The following SLC26A4 variants were observed in gnomAD, a reference collection of about 807,000 sequenced individuals.
The protein encoded by SLC26A4 is pendrin.
SLC26A4 carries 93 observed loss-of-function variants against 90.4 expected under a neutral mutation model. The ratio of observed to expected loss-of-function variants is 1.03; its 90% CI spans 0.87 to 1.22. The LOEUF is 1.22. SLC26A4 is among the 50% of genes most tolerant of loss of function. The probability of loss-of-function intolerance (pLI) is 0.00; values close to 1 mark genes in which losing one functional copy is unlikely to be tolerated. For synonymous variants in SLC26A4, 393 were observed against 354.6 expected (o/e 1.11, Z -1.22); for missense variants, 1,127 against 946.2 (o/e 1.19, Z -2.51).
At chr7:107,683,126 TTGTG>T (rs151187651) in intron 6 of SLC26A4, 72 bp from the exon 7 acceptor site, 12 of 1,045,996 alleles carry the variant, frequency 1.1e-5, no homozygotes, top group Non-Finnish European at 1.6e-5. Context: ...TGAGAATTGA[TTGTG>T]TGTGTGTGCG....
At position 107,696,308 on chromosome 7, in the gene SLC26A4, G is replaced by A. The variant is rs549390218; in HGVS notation, c.1544+269G>A. Among the ~76,000 whole-genome samples, 9 of 152,292 alleles carry A rather than the reference G, an allele frequency of 5.9e-5. No individual in the cohort carries two copies. In the East Asian group the frequency reaches 1.2e-3, roughly 20 times the overall value. Reference sequence around the variant, plus strand: ...ATCCCTAAGATCACACAGCTAGTACGTGGCAGAGCTAAGATTTGAACCTAT... The same window carrying A: ...ATCCCTAAGATCACACAGCTAGTACATGGCAGAGCTAAGATTTGAACCTAT... On this transcript the variant is annotated intron_variant, in intron 13 of 20. Coordinates refer to ENST00000644269, the MANE Select transcript of SLC26A4 (RefSeq NM_000441.2).
intron 10 of SLC26A4, chr7:107,693,490 A>C (rs1791637062): frequency 4.1e-6 from 4 of 985,334 alleles, no homozygotes; most frequent in Non-Finnish European, 4.8e-6. Context: ...AAATCTTCCC[A>C]GTTGTTTCCT....
At chr7:107,714,487 C>T (rs1000932669) in intron 20 of SLC26A4, among the ~76,000 whole-genome samples, 1 of 152,130 alleles carries the variant, frequency 6.6e-6, no homozygotes, top group Non-Finnish European at 1.5e-5. Context: ...CCAGGAAAGT[C>T]ATTATCGACC....
In SLC26A4 at chr7:107,701,514, C is replaced by T. The variant is rs566918895; in HGVS notation, c.1804-313C>T. Among the ~76,000 whole-genome samples the T allele has an allele frequency of 2.0e-5, 3 of 152,312 alleles. No homozygotes were observed. The East Asian group carries it at 5.8e-4, about 29-fold the overall frequency. The stretch of plus-strand genomic sequence containing the variant: ...AAATTCAATGCCAGAAAACTACCCA[C>T]CATAGAAGGCAGTCTAAGTCCATAA... On this transcript the variant is annotated intron_variant, in intron 16 of 20. Coordinates refer to ENST00000644269, the MANE Select transcript of SLC26A4 (RefSeq NM_000441.2).
chr7:107,694,601 T>A lies in SLC26A4; in HGVS notation c.1342-20T>A. 1 of 1,593,440 alleles carries A rather than the reference T, an allele frequency of 6.3e-7. No homozygotes were observed. Among genetic ancestry groups the A allele is most frequent in the Non-Finnish European group, 8.6e-7 (1 of 1,161,268 alleles). ...AAACCATTCCCTGAATAACACAGCCTTCTCTGTCTCTCTTGGCAGTCGGTC... is the reference window on the plus strand; with the variant it reads ...AAACCATTCCCTGAATAACACAGCCATCTCTGTCTCTCTTGGCAGTCGGTC... On this transcript the variant is annotated intron_variant, in intron 11 of 20. Transcript: ENST00000644269.
chr7:107,681,872 C>T (rs1480149760), intron 6 of SLC26A4, among the ~76,000 whole-genome samples: 1 of 151,754 alleles, frequency 6.6e-6, no homozygotes, highest in Non-Finnish European at 1.5e-5. Flanking sequence ...TTTCTTGAGG[C>T]CAGGAGTTCA....
chr7:107,677,605 A>T (rs1022986875), intron 6 of SLC26A4, among the ~76,000 whole-genome samples: 5 of 150,552 alleles, frequency 3.3e-5, no homozygotes, highest in Admixed American at 2.6e-4. Context: ...CTATTAAAAA[A>T]GAATTTTTTT....
intron 18 of SLC26A4, among the ~76,000 whole-genome samples, chr7:107,707,501 T>C (rs942485364): frequency 6.6e-6 from 1 of 152,210 alleles, no homozygotes; most frequent in Non-Finnish European, 1.5e-5. Flanking sequence ...AACAATTAAC[T>C]GTGGACAACA....
intron 20 of SLC26A4, among the ~76,000 whole-genome samples, chr7:107,713,270 C>T (rs1439671516): frequency 6.6e-6 from 1 of 152,236 alleles, no homozygotes; most frequent in African/African-American, 2.4e-5. Flanking sequence ...ATCCTTCCTA[C>T]ACCATCCTTG....
At chr7:107,714,259 G>T (rs928615643) in intron 20 of SLC26A4, among the ~76,000 whole-genome samples, 3 of 152,000 alleles carry the variant, frequency 2.0e-5, no homozygotes, top group African/African-American at 7.3e-5. Context: ...CCAGGATATT[G>T]TCTACCCCAG....
At chr7:107,691,512 T>TACACACACAC (rs760010561) in intron 10 of SLC26A4, among the ~76,000 whole-genome samples, 26,250 of 109,050 alleles carry the variant, frequency 0.24, 2,853 homozygotes, top group East Asian at 0.46. Flanking sequence ...CAAATATATA[T>TACACACACAC]ATACACACAC....
chr7:107,705,451 T>A (rs1185553256), intron 18 of SLC26A4, among the ~76,000 whole-genome samples: 1 of 152,226 alleles, frequency 6.6e-6, no homozygotes, highest in Non-Finnish European at 1.5e-5. Flanking sequence ...GTTTATAGTA[T>A]GCTCCTTAGC....
intron 17 of SLC26A4, among the ~76,000 whole-genome samples, chr7:107,702,921 G>A (rs370601745): frequency 1.3e-5 from 2 of 152,170 alleles, no homozygotes; most frequent in Non-Finnish European, 2.9e-5. Context: ...GTTAGAGTAG[G>A]AAGCAGGTCA....
At chr7:107,711,582 C>T (rs1239481061) in intron 19 of SLC26A4, among the ~76,000 whole-genome samples, 3 of 152,096 alleles carry the variant, frequency 2.0e-5, no homozygotes, top group Non-Finnish European at 4.4e-5. Context: ...GTTGGACATT[C>T]CTGGTGGCCT....
In SLC26A4 at chr7:107,683,226, A is replaced by T. The variant is rs759635268; in HGVS notation, c.790A>T (p.Ile264Phe). 2 of 1,612,588 alleles carry T rather than the reference A, an allele frequency of 1.2e-6. No homozygotes were observed. Among genetic ancestry groups the T allele is most frequent in the South Asian group, 2.2e-5 (2 of 91,018 alleles). Residue 264 changes from isoleucine to phenylalanine, a missense_variant, in exon 7 of 21, where the codon ATT becomes TTT. Physicochemically the swap from Ile to Phe is conservative, Grantham distance 21. Coordinates refer to ENST00000644269, the MANE Select transcript of SLC26A4 (RefSeq NM_000441.2). ...IYTLVEIFQN[I>F]GDTNLADFTA... ...GACGCTGGTTGAGATTTTTCAAAAT[A>T]TTGGTGATACCAATCTTGCTGATTT...
Position 107,661,749 on chromosome 7 carries a change from C to T in SLC26A4, c.108C>T (p.His36=). The T allele has an allele frequency of 6.5e-7, 1 of 1,547,898 alleles. No individual in the cohort carries two copies. The highest frequency in any genetic ancestry group is 8.7e-7 in the Non-Finnish European group (1 of 1,150,164). The change falls in exon 2 of 21, where the codon CAC becomes CAT. Residue 36 remains histidine (H), a synonymous_variant. Coordinates refer to ENST00000644269, the MANE Select transcript of SLC26A4 (RefSeq NM_000441.2). This position sits in a 1 kb window ranked among gnomAD's most constrained non-coding sequence, Gnocchi z 5.1. ...GCGAGCTCGCTTTCCAGCAACAGCA[C>T]GAGCGGCGCCTGCAGGAGCGCAAGA... ...VYSELAFQQQ[H]ERRLQERKTL... is the part of the protein sequence containing the mutation.
intron 10 of SLC26A4, among the ~76,000 whole-genome samples, chr7:107,692,259 T>C (rs1350796120): frequency 6.6e-6 from 1 of 152,212 alleles, no homozygotes; most frequent in Non-Finnish European, 1.5e-5. Context: ...ATTATTGAAA[T>C]GTATACTAAA....
At chr7:107,667,812 CA>C (rs1790759369) in intron 3 of SLC26A4, among the ~76,000 whole-genome samples, 1 of 152,082 alleles carries the variant, frequency 6.6e-6, no homozygotes, top group African/African-American at 2.4e-5. Context: ...ATATTTCTTC[CA>C]TTTTCAAAGG....
intron 8 of SLC26A4, among the ~76,000 whole-genome samples, chr7:107,688,604 C>T (rs563846258): frequency 6.6e-6 from 1 of 152,308 alleles, no homozygotes; most frequent in African/African-American, 2.4e-5. Flanking sequence ...GCTCTTTTAG[C>T]TTCATACATT....
Sources: allele counts gnomAD v4.1 joint callset (sites outside exome capture counted in the v4.1 genomes callset), GRCh38; gene constraint gnomAD v4.1.1; non-coding constraint Gnocchi (gnomAD v3.1); transcripts MANE v1.5; gene names NCBI Gene and HGNC (gene_info 2026-07-23, HGNC 2026-07-21).